The following MYCBP2 variants were observed in gnomAD, a reference collection of about 807,000 sequenced individuals.
MYCBP2 encodes the protein MYC binding protein 2.
MYCBP2 carries 120 observed loss-of-function variants against 525.3 expected under a neutral mutation model. That is an observed-to-expected ratio of 0.23 (90% confidence interval 0.20 to 0.27). MYCBP2 has a LOEUF of 0.27. MYCBP2 is among the 10% of genes least tolerant of loss of function. The pLI is 1.00. For synonymous variants in MYCBP2, 1,894 were observed against 1,955.8 expected (o/e 0.97, Z 0.83); for missense variants, 4,149 against 5,657.1 (o/e 0.73, Z 8.55).
At chr13:77,096,951 C>T (rs2046347974) in intron 56 of MYCBP2, among the ~76,000 whole-genome samples, 1 of 152,136 alleles carries the variant, frequency 6.6e-6, no homozygotes, top group Non-Finnish European at 1.5e-5. Context: ...ATGCAGTCTT[C>T]TGATAAAACA....
chr13:77,189,644 T>G (rs1363734830), intron 29 of MYCBP2, among the ~76,000 whole-genome samples: 1 of 152,188 alleles, frequency 6.6e-6, no homozygotes, highest in Non-Finnish European at 1.5e-5. Context: ...TTGAATTCTT[T>G]ATTCTAAAAG....
rs779335438 is a variant in MYCBP2, at chr13:77,168,548, C to G, written c.5994G>C (p.Ser1998=). 6.2e-7 allele frequency: 1 copy of G among 1,614,032 alleles called. No individual in the cohort carries two copies. The highest frequency in any genetic ancestry group is 1.7e-5 in the Admixed American group (1 of 60,016). ...GCTGGTTTCCTGTGGTGCTATCTGT[C>G]GACTGATTAGGGTTGAAGGCAGGCG... is the stretch of plus-strand genomic sequence containing the variant. The part of the protein sequence containing the change: ...YAPPAFNPNQ[S]TDSTTGNQPE... Residue 1998 remains serine, a synonymous_variant, in exon 40 of 83, where the codon TCG becomes TCC. Coordinates refer to ENST00000544440, the MANE Select transcript of MYCBP2 (RefSeq NM_015057.5).
At chr13:77,261,481 T>G (rs1211594518) in intron 11 of MYCBP2, 106 bp from the exon 12 acceptor site, 2 of 867,260 alleles carry the variant, frequency 2.3e-6, no homozygotes, top group Admixed American at 6.0e-5. Context: ...AAAATAAAAT[T>G]CACATAAAAA....
intron 46 of MYCBP2, among the ~76,000 whole-genome samples, chr13:77,151,578 G>A (rs2056457072): frequency 6.6e-6 from 1 of 152,060 alleles, no homozygotes; most frequent in Non-Finnish European, 1.5e-5. Context: ...AATAAAATGG[G>A]ACTATCTTTC....
intron 10 of MYCBP2, 33 bp from the exon 11 acceptor site, chr13:77,262,162 T>G: frequency 6.5e-7 from 1 of 1,538,766 alleles, no homozygotes; most frequent in South Asian, 1.2e-5. Context: ...ACTATTGCAT[T>G]TCTAATATGA....
rs747857075 is a variant in MYCBP2, at chr13:77,098,176, G to C, written c.8978C>G (p.Ala2993Gly). 1 of 1,613,672 alleles carries C rather than the reference G, an allele frequency of 6.2e-7. No homozygotes were observed. The highest frequency in any genetic ancestry group is 8.5e-7 in the Non-Finnish European group (1 of 1,179,758). ...TTTTTTGGGCCTGGTGTGTCTATTA[G>C]CACATTTTCGACTTATTTTGGGAGA... ...RASPKISRKCANRHTRPKKEK... is the reference protein window; with the variant it reads ...RASPKISRKCGNRHTRPKKEK... The change falls in exon 56 of 83, where the codon GCT (alanine) becomes GGT (glycine). Residue 2993 changes from alanine to glycine, a missense_variant. Ala to Gly is a moderately conservative substitution (Grantham distance 60). Transcript: ENST00000544440.
At chr13:77,258,312 T>G (rs993416859) in intron 13 of MYCBP2, among the ~76,000 whole-genome samples, 1 of 152,230 alleles carries the variant, frequency 6.6e-6, no homozygotes, top group Non-Finnish European at 1.5e-5. Flanking sequence ...AATGCTTTCT[T>G]CCACAATCCA....
intron 47 of MYCBP2, 91 bp downstream of exon 47, chr13:77,150,643 C>A (rs562719640): frequency 2.5e-5 from 26 of 1,031,202 alleles, no homozygotes; most frequent in Non-Finnish European, 1.3e-5. Flanking sequence ...TTTGGACTTA[C>A]AATTTCATGT....
chr13:77,193,043 C>T (rs1358504690), intron 27 of MYCBP2, among the ~76,000 whole-genome samples: 6 of 152,036 alleles, frequency 3.9e-5, no homozygotes, highest in Admixed American at 3.9e-4. Context: ...GCATGAGAAT[C>T]GCTTAAATCC....
chr13:77,244,650 C>A (rs984513123), intron 15 of MYCBP2, among the ~76,000 whole-genome samples: 7 of 152,106 alleles, frequency 4.6e-5, no homozygotes, highest in Admixed American at 2.6e-4. Context: ...GCAACAAAAG[C>A]CAAAATTGAC....
At chr13:77,207,248 T>C (rs897194265) in intron 23 of MYCBP2, among the ~76,000 whole-genome samples, 1 of 152,006 alleles carries the variant, frequency 6.6e-6, no homozygotes, top group Non-Finnish European at 1.5e-5. Context: ...ATAGCAAAAA[T>C]TGGCAAGGAC....
intron 49 of MYCBP2, 60 bp downstream of exon 49, chr13:77,144,385 A>G: frequency 8.2e-7 from 1 of 1,223,424 alleles, no homozygotes; most frequent in Non-Finnish European, 1.2e-6. Context: ...TAGAAGATAA[A>G]AATAATTTTG....
At chr13:77,139,121 A>AATC (rs2054195200) in intron 52 of MYCBP2, 75 bp downstream of exon 52, 1 of 1,480,092 alleles carries the variant, frequency 6.8e-7, no homozygotes, top group African/African-American at 1.4e-5. Context: ...AGAACTGAAA[A>AATC]GCCTTAATTA....
intron 55 of MYCBP2, among the ~76,000 whole-genome samples, chr13:77,119,959 C>T (rs1019588956): frequency 6.6e-5 from 10 of 152,078 alleles, no homozygotes; most frequent in African/African-American, 2.4e-4. Context: ...ATTATTTGTA[C>T]ATAATAACAA....
chr13:77,244,696 A>G (rs2069543972), intron 15 of MYCBP2, among the ~76,000 whole-genome samples: 1 of 152,236 alleles, frequency 6.6e-6, no homozygotes, highest in African/African-American at 2.4e-5. Flanking sequence ...GCTTCTGCAC[A>G]GCAAAAGAAA....
intron 17 of MYCBP2, among the ~76,000 whole-genome samples, chr13:77,239,418 T>C (rs907106160): frequency 2.0e-5 from 3 of 152,180 alleles, no homozygotes; most frequent in Admixed American, 2.0e-4. Context: ...GCAAAGCCAC[T>C]ACAATCTTTT....
intron 1 of MYCBP2, among the ~76,000 whole-genome samples, chr13:77,301,418 A>G: frequency 9.2e-6 from 1 of 109,150 alleles, no homozygotes. Context: ...GCAAGACTCC[A>G]TCTCAAAAAA....
chr13:77,106,593 A>AG (rs1312563299), intron 55 of MYCBP2, among the ~76,000 whole-genome samples: 1 of 152,164 alleles, frequency 6.6e-6, no homozygotes, highest in Non-Finnish European at 1.5e-5. Flanking sequence ...GACAGCAAAA[A>AG]GAATCTTTGG....
At chr13:77,185,840 C>A in intron 31 of MYCBP2, 31 bp downstream of exon 31, 1 of 1,462,274 alleles carries the variant, frequency 6.8e-7, no homozygotes, top group African/African-American at 1.4e-5. Context: ...ATATTTTCTC[C>A]CTATAGTCAT....
Sources: allele counts gnomAD v4.1 joint callset (sites outside exome capture counted in the v4.1 genomes callset), GRCh38; gene constraint gnomAD v4.1.1; transcripts MANE v1.5; gene names NCBI Gene and HGNC (gene_info 2026-07-23, HGNC 2026-07-21).